Variants in MLIP observed in about 807,000 individuals in gnomAD.
The protein encoded by MLIP is muscular LMNA interacting protein.
MLIP carries 79 observed loss-of-function variants against 84.8 expected under a neutral mutation model. That is an observed-to-expected ratio of 0.93 (90% CI 0.78 to 1.12). The LOEUF (loss-of-function observed/expected upper bound fraction) is 1.12. Ranked by LOEUF, MLIP falls within the 50% of genes most tolerant of loss-of-function variation. The pLI, the probability that MLIP is intolerant of heterozygous loss-of-function variation, is 0.00. For synonymous variants in MLIP, 504 were observed against 463.0 expected (o/e 1.09, Z -1.14); for missense variants, 1,257 against 1,160.6 (o/e 1.08, Z -1.21).
At chr6:54,189,453 G>A (rs191496114) in intron 9 of MLIP, among the ~76,000 whole-genome samples, 1 of 152,090 alleles carries the variant, frequency 6.6e-6, no homozygotes, top group Non-Finnish European at 1.5e-5. Flanking sequence ...ATACTTTAAA[G>A]AAATATCTGT....
In MLIP at chr6:54,169,543, C is replaced by G. The variant is rs1176264215; in HGVS notation, c.2515C>G (p.Pro839Ala). The change falls in exon 9 of 14, where the codon CCA (proline) becomes GCA (alanine). Residue 839 changes from proline (P) to alanine (A), a missense_variant. By Grantham distance (27) the Pro-to-Ala change is conservative. Transcript: ENST00000502396. ...SDTVKTPTTL[P>A]RAAGRETKYA... Reference sequence around the variant, plus strand: ...TTTCATACAGACTCCTACAACTCTTCCAAGAGCAGCTGGTCGAGAAACCAA... The same window carrying G: ...TTTCATACAGACTCCTACAACTCTTGCAAGAGCAGCTGGTCGAGAAACCAA... 2 of 1,591,546 alleles carry G rather than the reference C, an allele frequency of 1.3e-6. No homozygotes were observed. Among genetic ancestry groups the G allele is most frequent in the African/African-American group, 1.4e-5 (1 of 73,728 alleles).
chr6:54,070,697 T>A (rs1297371850), intron 1 of MLIP, among the ~76,000 whole-genome samples: 3 of 152,250 alleles, frequency 2.0e-5, no homozygotes, highest in Non-Finnish European at 4.4e-5. Flanking sequence ...GCACTCTTTT[T>A]GCAGTTTGAG....
chr6:54,082,212 ATATAT>A (rs567390280), intron 1 of MLIP, among the ~76,000 whole-genome samples: 1 of 152,174 alleles, frequency 6.6e-6, no homozygotes, highest in African/African-American at 2.4e-5. Context: ...CATGGAATGA[ATATAT>A]TATATTTATT....
chr6:54,137,072 C>A lies in MLIP; in HGVS notation c.1003C>A (p.His335Asn), dbSNP rs952885024. Reference protein sequence around the residue: ...EVLKKTTLTSHVLSHGESPRT... With the variant: ...EVLKKTTLTSNVLSHGESPRT... ...TCTCAAGAAGACAACTTTAACCTCGCATGTCCTTAGTCACGGAGAAAGTCC... is the reference window on the plus strand; with the variant it reads ...TCTCAAGAAGACAACTTTAACCTCGAATGTCCTTAGTCACGGAGAAAGTCC... The change falls in exon 4 of 14, where the codon CAT becomes AAT. Residue 335 changes from histidine to asparagine, a missense_variant. Transcript: ENST00000502396. 1 of 1,536,006 alleles carries A rather than the reference C, an allele frequency of 6.5e-7. No individual in the cohort carries two copies. Among genetic ancestry groups the A allele is most frequent in the African/African-American group, 1.4e-5 (1 of 73,038 alleles).
At chr6:54,152,897 G>A (rs1773600108) in intron 5 of MLIP, among the ~76,000 whole-genome samples, 1 of 151,950 alleles carries the variant, frequency 6.6e-6, no homozygotes, top group South Asian at 2.1e-4. Context: ...TAAAATCAAA[G>A]AATATGCATC....
chr6:54,199,449 G>C (rs1582478103), intron 10 of MLIP, among the ~76,000 whole-genome samples: 1 of 152,258 alleles, frequency 6.6e-6, no homozygotes, highest in East Asian at 1.9e-4. Context: ...TATAGAATCT[G>C]TGTCTATGAG....
At chr6:54,023,166 C>CAAA (rs1000096476) in intron 1 of MLIP, among the ~76,000 whole-genome samples, 1 of 65,920 alleles carries the variant, frequency 1.5e-5, no homozygotes, top group African/African-American at 4.0e-5. Context: ...GACTCCATCT[C>CAAA]AAAAAATAAT....
intron 12 of MLIP, among the ~76,000 whole-genome samples, chr6:54,252,462 TATAATATAAATATAATATATTATAAC>T (rs1423341143): frequency 5.3e-5 from 6 of 112,236 alleles, no homozygotes; most frequent in Admixed American, 9.0e-5. Flanking sequence ...TATTATAACA[TATAATATAAATATAATATATTATAAC>T]ATAATATAAA....
In MLIP at chr6:54,266,052, T is replaced by C; in HGVS notation, c.*97T>C. 8.0e-7 allele frequency: 1 copy of C among 1,257,464 alleles called. No homozygotes were observed. Among genetic ancestry groups the C allele is most frequent in the Non-Finnish European group, 1.1e-6 (1 of 877,308 alleles). 77.9% of individuals were successfully genotyped at this position (1,257,464 alleles called of 1,614,324 possible). A position where few individuals can be genotyped will look rare whatever the true frequency, so the allele number is the denominator to read the frequency against. On this transcript the variant is annotated 3_prime_UTR_variant, in exon 14 of 14. Transcript: ENST00000502396. ...TTAACTTTTTTTTTTTTTTCCAGAATGAGTGCTCCCTTTATGAGCTGCAGT... is the reference window on the plus strand; with the variant it reads ...TTAACTTTTTTTTTTTTTTCCAGAACGAGTGCTCCCTTTATGAGCTGCAGT...
chr6:54,062,831 T>A (rs1766041295), intron 1 of MLIP, among the ~76,000 whole-genome samples: 1 of 152,210 alleles, frequency 6.6e-6, no homozygotes, highest in South Asian at 2.1e-4. Flanking sequence ...AGAGATCAAG[T>A]CGAGTGCCTA....
At chr6:54,234,197 G>A (rs1781208107) in intron 12 of MLIP, among the ~76,000 whole-genome samples, 1 of 152,020 alleles carries the variant, frequency 6.6e-6, no homozygotes, top group African/African-American at 2.4e-5. Context: ...TTTGTCTGAG[G>A]TTATTTCTTG....
Position 54,137,493 on chromosome 6 carries a change from C to T in MLIP, c.1424C>T (p.Ser475Leu). Residue 475 changes from serine to leucine, a missense_variant, in exon 4 of 14, where the codon TCA becomes TTA. By Grantham distance (145) the Ser-to-Leu change is moderately radical (BLOSUM62 -2). Coordinates refer to ENST00000502396, the MANE Select transcript of MLIP (RefSeq NM_001281747.2). Reference sequence around the variant, plus strand: ...TCAAGTTGTTCCCTGAGAGCCGGGTCACCAGATCAAGGGGAACTCCAGGTT... The same window carrying T: ...TCAAGTTGTTCCCTGAGAGCCGGGTTACCAGATCAAGGGGAACTCCAGGTT... ...SLSSCSLRAG[S>L]PDQGELQVSE... is the part of the protein sequence containing the mutation. The T allele has an allele frequency of 2.6e-6, 4 of 1,536,102 alleles. No individual in the cohort carries two copies. Among genetic ancestry groups the T allele is most frequent in the Non-Finnish European group, 3.5e-6 (4 of 1,146,898 alleles).
chr6:54,124,803 C>A lies in MLIP; in HGVS notation c.583C>A (p.Leu195Ile). The change falls in exon 3 of 14, where the codon CTC becomes ATC. Residue 195 changes from leucine (L) to isoleucine (I), a missense_variant. Transcript: ENST00000502396. The part of the protein sequence containing the change: ...VVRPKTQGTD[L>I]KTSSHPEMLH... ...GCGTCCCAAAACACAGGGGACTGAT[C>A]TCAAGACCTCATCACATCCTGAAAT... The A allele has an allele frequency of 6.2e-7, 1 of 1,613,374 alleles. No individual in the cohort carries two copies. The highest frequency in any genetic ancestry group is 8.5e-7 in the Non-Finnish European group (1 of 1,179,712).
chr6:54,231,214 C>T (rs1780978230), intron 12 of MLIP, among the ~76,000 whole-genome samples: 1 of 151,984 alleles, frequency 6.6e-6, no homozygotes, highest in Admixed American at 6.6e-5. Flanking sequence ...TTTTCAAAAC[C>T]TCACAAAATG....
intron 3 of MLIP, among the ~76,000 whole-genome samples, chr6:54,136,431 A>G (rs995691601): frequency 1.3e-5 from 2 of 152,208 alleles, no homozygotes; most frequent in African/African-American, 2.4e-5. Context: ...ACTATTTTAG[A>G]TGCTGTCAAC....
intron 1 of MLIP, among the ~76,000 whole-genome samples, chr6:54,035,051 A>G (rs1764348722): frequency 6.6e-6 from 1 of 152,206 alleles, no homozygotes; most frequent in Non-Finnish European, 1.5e-5. Context: ...TAGGAGAAAC[A>G]GTCTATACCA....
intron 8 of MLIP, among the ~76,000 whole-genome samples, chr6:54,162,232 A>G (rs1774715984): frequency 1.3e-5 from 2 of 152,002 alleles, no homozygotes; most frequent in Admixed American, 1.3e-4. Flanking sequence ...GATGGAAAAG[A>G]ACCAGCCACA....
intron 1 of MLIP, among the ~76,000 whole-genome samples, chr6:54,044,872 A>C (rs1764946491): frequency 1.3e-5 from 2 of 152,218 alleles, no homozygotes; most frequent in African/African-American, 4.8e-5. Flanking sequence ...CACTGATGAA[A>C]CATATCAGTT....
chr6:54,164,195 C>A (rs1774948292), intron 8 of MLIP, among the ~76,000 whole-genome samples: 1 of 151,766 alleles, frequency 6.6e-6, no homozygotes, highest in Admixed American at 6.6e-5. Context: ...TCAATCTTTT[C>A]TTCCCCTTAC....
Sources: gnomAD v4.1 joint callset for allele counts (sites outside exome capture counted in the v4.1 genomes callset) on GRCh38, gnomAD v4.1.1 for gene constraint, MANE v1.5 for transcripts, NCBI Gene and HGNC (gene_info 2026-07-23, HGNC 2026-07-21) for gene names.